The following FAM120B variants were observed in gnomAD, a reference collection of about 807,000 sequenced individuals.
FAM120B encodes the protein constitutive coactivator of peroxisome proliferator-activated receptor gamma.
Under a neutral mutation model 96.3 loss-of-function variants are expected in FAM120B, and 83 were observed. That is an observed-to-expected ratio of 0.86 (90% CI 0.72 to 1.03). FAM120B has a LOEUF of 1.03. FAM120B is among the 50% of genes least tolerant of loss of function. The probability of loss-of-function intolerance (pLI) is 0.00; values close to 1 mark genes in which losing one functional copy is unlikely to be tolerated. For synonymous variants in FAM120B, 407 were observed against 402.7 expected, an observed-to-expected ratio of 1.01 and a Z score of -0.13; for missense variants, 1,027 against 1,121.2, an observed-to-expected ratio of 0.92 and a Z score of 1.20.
chr6:170,369,011 C>A (rs1788998877), intron 6 of FAM120B, among the ~76,000 whole-genome samples: 1 of 149,128 alleles, frequency 6.7e-6, no homozygotes, highest in African/African-American at 2.5e-5. Flanking sequence ...ATTTAGCCTT[C>A]AGCATAAGAA....
chr6:170,319,194 T>G, intron 2 of FAM120B, 70 bp downstream of exon 2: 1 of 1,422,396 alleles, frequency 7.0e-7, no homozygotes, highest in Non-Finnish European at 9.4e-7. Flanking sequence ...TTAGTGAAGA[T>G]CCATTACTGC....
intron 6 of FAM120B, among the ~76,000 whole-genome samples, chr6:170,367,676 C>T (rs931730658): frequency 2.6e-5 from 4 of 152,260 alleles, no homozygotes; most frequent in Non-Finnish European, 5.9e-5. Flanking sequence ...GTAATAACCC[C>T]ATGCGTGAAT....
intron 9 of FAM120B, among the ~76,000 whole-genome samples, chr6:170,400,449 T>C (rs924944674): frequency 6.6e-6 from 1 of 152,176 alleles, no homozygotes; most frequent in African/African-American, 2.4e-5. Context: ...TCTTTCATTT[T>C]CTTCCAGAGG....
intron 3 of FAM120B, 112 bp downstream of exon 3, chr6:170,323,371 GT>G: frequency 1.2e-6 from 1 of 855,714 alleles, no homozygotes; most frequent in Non-Finnish European, 1.8e-6. Context: ...AATTAAATGG[GT>G]TTTATATCCC....
chr6:170,359,272 A>C (rs556759088), intron 6 of FAM120B, among the ~76,000 whole-genome samples: 8 of 152,190 alleles, frequency 5.3e-5, no homozygotes, highest in Admixed American at 2.6e-4. Context: ...GTGTGCCTGT[A>C]ATCCTAGCTA....
chr6:170,358,729 G>A (rs894159446), intron 6 of FAM120B, among the ~76,000 whole-genome samples: 1 of 152,224 alleles, frequency 6.6e-6, no homozygotes, highest in Non-Finnish European at 1.5e-5. Flanking sequence ...CGTTGGCTGT[G>A]GCAAGCGTTC....
chr6:170,320,858 G>A (rs1187477682), intron 2 of FAM120B, among the ~76,000 whole-genome samples: 1 of 152,180 alleles, frequency 6.6e-6, no homozygotes, highest in Non-Finnish European at 1.5e-5. Flanking sequence ...GTCCAAGGGG[G>A]CAAGTTTCAA....
intron 1 of FAM120B, among the ~76,000 whole-genome samples, chr6:170,296,683 G>T (rs1266016573): frequency 6.6e-6 from 1 of 151,992 alleles, no homozygotes; most frequent in Non-Finnish European, 1.5e-5. Flanking sequence ...AGCGGAAACC[G>T]CGCGTTCCCA....
chr6:170,346,044 A>G lies in FAM120B; in HGVS notation c.2018-2107A>G, dbSNP rs200228297. Among the ~76,000 whole-genome samples, 53 of 152,368 alleles carry G rather than the reference A, an allele frequency of 3.5e-4. No homozygotes were observed. The East Asian group carries it at 4.8e-3, about 14-fold the overall frequency. ...GTGGCAAGCATTTGTGTATGTAAAC[A>G]TTCCTAAACATAGAAAAGGTAGAGT... is the stretch of plus-strand genomic sequence containing the variant. On this transcript the variant is annotated intron_variant, in intron 4 of 10. Transcript: ENST00000476287.
At chr6:170,325,884 G>A (rs1476842646) in intron 3 of FAM120B, among the ~76,000 whole-genome samples, 1 of 151,478 alleles carries the variant, frequency 6.6e-6, no homozygotes, top group Admixed American at 6.6e-5. Context: ...TGATCTGGGG[G>A]TCTGTTAGAT....
chr6:170,320,762 G>A (rs975441321), intron 2 of FAM120B, among the ~76,000 whole-genome samples: 2 of 152,222 alleles, frequency 1.3e-5, no homozygotes, highest in African/African-American at 4.8e-5. Flanking sequence ...AGATGATGTG[G>A]GATGGAGACT....
chr6:170,374,144 C>A (rs1789370219), intron 6 of FAM120B, among the ~76,000 whole-genome samples: 1 of 152,212 alleles, frequency 6.6e-6, no homozygotes, highest in Admixed American at 6.5e-5. Context: ...CTGGTCCTGA[C>A]ACCACTCCGC....
At chr6:170,338,228 G>T (rs1337295381) in intron 4 of FAM120B, among the ~76,000 whole-genome samples, 1 of 152,134 alleles carries the variant, frequency 6.6e-6, no homozygotes, top group Non-Finnish European at 1.5e-5. Context: ...CTGGTACGTT[G>T]TCTCTTTGTT....
At chr6:170,317,323 T>G in intron 1 of FAM120B, 47 bp from the exon 2 acceptor site, 1 of 1,434,648 alleles carries the variant, frequency 7.0e-7, no homozygotes, top group Non-Finnish European at 9.6e-7. Flanking sequence ...GTGCCATATA[T>G]CTAATGATAA....
At chr6:170,338,329 A>G (rs1251420566) in intron 4 of FAM120B, among the ~76,000 whole-genome samples, 1 of 152,160 alleles carries the variant, frequency 6.6e-6, no homozygotes, top group Non-Finnish European at 1.5e-5. Context: ...GTTTCCATGT[A>G]GTTGTGCAGT....
At chr6:170,329,811 G>A (rs1785883657) in intron 3 of FAM120B, among the ~76,000 whole-genome samples, 1 of 152,044 alleles carries the variant, frequency 6.6e-6, no homozygotes, top group Non-Finnish European at 1.5e-5. Context: ...TTATAGAAGT[G>A]TCCACTCTTC....
intron 5 of FAM120B, among the ~76,000 whole-genome samples, chr6:170,356,538 G>A (rs1403728036): frequency 1.3e-5 from 2 of 152,128 alleles, no homozygotes; most frequent in African/African-American, 2.4e-5. Context: ...ATACAGTTGT[G>A]TCTTGGTATA....
At chr6:170,361,364 A>G (rs1788451345) in intron 6 of FAM120B, among the ~76,000 whole-genome samples, 1 of 151,604 alleles carries the variant, frequency 6.6e-6, no homozygotes, top group Admixed American at 6.6e-5. Flanking sequence ...CCTACATAGA[A>G]ATACATAAGA....
chr6:170,295,528 C>A lies in FAM120B; in HGVS notation c.48+75C>A. 6 of 642,624 alleles carry A rather than the reference C, an allele frequency of 9.3e-6. No homozygotes were observed. Among genetic ancestry groups the A allele is most frequent in the Non-Finnish European group, 1.7e-5 (6 of 360,658 alleles). The allele number at this position is 642,624 out of a possible 1,614,324, so 39.8% of individuals were successfully genotyped here. A position where few individuals can be genotyped will look rare whatever the true frequency, so the allele number is the denominator to read the frequency against. On this transcript the variant is annotated intron_variant, in intron 1 of 10. Coordinates refer to the FAM120B transcript ENST00000537664. This position sits in a 1 kb window ranked among gnomAD's most constrained non-coding sequence, Gnocchi z 7.8. Reference sequence around the variant, plus strand: ...GCTTCCACAGCGGGCAGGAGCGCGACCCCCGGCGCGGGCAGCTCTGCGCGA... The same window carrying A: ...GCTTCCACAGCGGGCAGGAGCGCGAACCCCGGCGCGGGCAGCTCTGCGCGA...
Sources: gnomAD v4.1 joint callset for allele counts (sites outside exome capture counted in the v4.1 genomes callset) on GRCh38, gnomAD v4.1.1 for gene constraint, Gnocchi (gnomAD v3.1) non-coding constraint, MANE v1.5 for transcripts, NCBI Gene and HGNC (gene_info 2026-07-23, HGNC 2026-07-21) for gene names.